Variants in SLC6A11 observed in about 807,000 individuals in gnomAD.
The protein encoded by SLC6A11 is sodium- and chloride-dependent GABA transporter 3.
Under a neutral mutation model 74.8 loss-of-function variants are expected in SLC6A11, and 25 were observed. That is an observed-to-expected ratio of 0.33 (90% CI 0.24 to 0.47). The LOEUF is 0.47. SLC6A11 is among the 20% of genes least tolerant of loss of function. The probability of loss-of-function intolerance (pLI) is 1.00; values close to 1 mark genes in which losing one functional copy is unlikely to be tolerated. For synonymous variants in SLC6A11, 330 were observed against 330.2 expected (o/e 1.00, Z 0.01); for missense variants, 574 against 837.0 (o/e 0.69, Z 3.88).
chr3:10,912,227 C>T (rs368041465), intron 7 of SLC6A11, 34 bp downstream of exon 7: 3 of 1,421,936 alleles, frequency 2.1e-6, no homozygotes, highest in African/African-American at 2.8e-5. Flanking sequence ...CAGCTCTCCA[C>T]CAAACCCTGA....
At chr3:10,914,488 C>T (rs1305478066) in intron 7 of SLC6A11, among the ~76,000 whole-genome samples, 1 of 152,150 alleles carries the variant, frequency 6.6e-6, no homozygotes, top group African/African-American at 2.4e-5. Context: ...TTAATGTGGG[C>T]AGGTCCAACA....
chr3:10,818,663 C>A (rs1694096298), intron 1 of SLC6A11, among the ~76,000 whole-genome samples: 1 of 152,148 alleles, frequency 6.6e-6, no homozygotes, highest in South Asian at 2.1e-4. Flanking sequence ...CAGATGGTGG[C>A]AAATAGCATG....
At chr3:10,827,306 T>C (rs1304631021) in intron 4 of SLC6A11, among the ~76,000 whole-genome samples, 3 of 152,194 alleles carry the variant, frequency 2.0e-5, no homozygotes, top group Admixed American at 6.5e-5. Flanking sequence ...TGCCCCAGTG[T>C]ACTCCACCCC....
intron 6 of SLC6A11, among the ~76,000 whole-genome samples, chr3:10,889,615 A>G (rs1401068342): frequency 3.3e-5 from 5 of 152,224 alleles, no homozygotes; most frequent in Non-Finnish European, 5.9e-5. Flanking sequence ...GCCTAGCACC[A>G]GCCTTATTTG....
At chr3:10,841,441 GC>G (rs778678008) in intron 4 of SLC6A11, among the ~76,000 whole-genome samples, 5 of 152,148 alleles carry the variant, frequency 3.3e-5, no homozygotes, top group Non-Finnish European at 7.4e-5. Context: ...TGGCCCCTGA[GC>G]CCCCTTTCCT....
intron 6 of SLC6A11, among the ~76,000 whole-genome samples, chr3:10,876,869 C>T (rs533033076): frequency 6.6e-6 from 1 of 151,940 alleles, no homozygotes; most frequent in South Asian, 2.1e-4. Context: ...AGGCCCTGGC[C>T]ACCAGCCAGT....
At chr3:10,885,488 G>A (rs1695031702) in intron 6 of SLC6A11, among the ~76,000 whole-genome samples, 1 of 151,824 alleles carries the variant, frequency 6.6e-6, no homozygotes, top group Admixed American at 6.6e-5. Flanking sequence ...ATTTGGTAAT[G>A]TCTAGAAACA....
chr3:10,855,662 G>C (rs923129505), intron 5 of SLC6A11, among the ~76,000 whole-genome samples: 1 of 151,658 alleles, frequency 6.6e-6, no homozygotes, highest in Admixed American at 6.6e-5. Context: ...CTCTAAACAA[G>C]ATTACAGGCT....
intron 4 of SLC6A11, among the ~76,000 whole-genome samples, chr3:10,829,575 G>A (rs1350818965): frequency 1.3e-5 from 2 of 152,148 alleles, no homozygotes; most frequent in Non-Finnish European, 2.9e-5. Flanking sequence ...AGATGTTAGC[G>A]GCAAGTTCTA....
At position 10,816,530 on chromosome 3, in the gene SLC6A11, A is replaced by C; in HGVS notation, c.256+9A>C. The C allele has an allele frequency of 6.3e-7, 1 of 1,586,520 alleles. No homozygotes were observed. The highest frequency in any genetic ancestry group is 8.6e-7 in the Non-Finnish European group (1 of 1,165,848). On this transcript the variant is annotated intron_variant, in intron 1 of 13. Transcript: ENST00000254488. The surrounding 1 kb of genome is among the most constrained non-coding windows in gnomAD (Gnocchi z 4.2). The stretch of plus-strand genomic sequence containing the variant: ...CTACAAGAACGGAGGAGGTGAGGTG[A>C]TAGTGAGGAGAAGGGGAGGGGGCGC...
intron 5 of SLC6A11, among the ~76,000 whole-genome samples, chr3:10,870,075 G>A (rs974922535): frequency 1.3e-5 from 2 of 152,242 alleles, no homozygotes; most frequent in South Asian, 4.2e-4. Context: ...TTCCCTGCCT[G>A]ATCCAACCTC....
intron 13 of SLC6A11, 153 bp downstream of exon 13, chr3:10,935,352 T>G: frequency 1.5e-6 from 1 of 666,464 alleles, no homozygotes; most frequent in Non-Finnish European, 2.6e-6. Context: ...TTCAGTATCA[T>G]GGTTGTGCCC....
Position 10,907,969 on chromosome 3 carries a change from G to A in SLC6A11, c.892-4121G>A, listed in dbSNP as rs185000117. On this transcript the variant is annotated intron_variant, in intron 6 of 13. Transcript: ENST00000254488. ...TAGTTACCTATCAAATTCACATTAA[G>A]TAATGACTATAAGGAGCCTGGCATG... 1.7e-4 allele frequency among the ~76,000 whole-genome samples: 26 copies of A among 152,288 alleles called. No homozygotes were observed. In the East Asian group the frequency reaches 4.4e-3, roughly 26 times the overall value.
chr3:10,829,018 G>A (rs936541604), intron 4 of SLC6A11, among the ~76,000 whole-genome samples: 5 of 152,170 alleles, frequency 3.3e-5, no homozygotes, highest in African/African-American at 2.4e-5. Context: ...TTGGAGCTCA[G>A]TGTCCACATC....
chr3:10,864,333 C>T (rs1694738510), intron 5 of SLC6A11, among the ~76,000 whole-genome samples: 1 of 151,484 alleles, frequency 6.6e-6, no homozygotes, highest in South Asian at 2.1e-4. Flanking sequence ...CCCTTGTGAC[C>T]TCTCAGGGTT....
rs190856491 is a variant in SLC6A11, at chr3:10,898,406, T to C, written c.892-13684T>C. 6.0e-3 allele frequency among the ~76,000 whole-genome samples: 912 copies of C among 152,350 alleles called. 7 individuals carry two copies. The highest frequency in any genetic ancestry group is 0.02 in the African/African-American group (837 of 41,578). ...TTATGCTCTGCTTCCCTTACAAAAC[T>C]GAATGCCTTTAACAGCACCCAAGTC... On this transcript the variant is annotated intron_variant, in intron 6 of 13. Transcript: ENST00000254488.
At chr3:10,899,867 A>G (rs1457605509) in intron 6 of SLC6A11, among the ~76,000 whole-genome samples, 1 of 152,226 alleles carries the variant, frequency 6.6e-6, no homozygotes, top group Non-Finnish European at 1.5e-5. Flanking sequence ...CAAGGTTGAA[A>G]TGCCCCATGG....
chr3:10,851,700 C>T (rs1003902782), intron 5 of SLC6A11, among the ~76,000 whole-genome samples: 1 of 152,236 alleles, frequency 6.6e-6, no homozygotes, highest in Admixed American at 6.5e-5. Flanking sequence ...GATGAGAAAA[C>T]AAATGTGCAT....
intron 5 of SLC6A11, among the ~76,000 whole-genome samples, chr3:10,858,564 A>G (rs1254528139): frequency 1.3e-5 from 2 of 152,232 alleles, no homozygotes; most frequent in Admixed American, 1.3e-4. Context: ...TCTTGTTGCA[A>G]TCACTAACTT....
Sources: allele counts gnomAD v4.1 joint callset (sites outside exome capture counted in the v4.1 genomes callset), GRCh38; gene constraint gnomAD v4.1.1; non-coding constraint Gnocchi (gnomAD v3.1); transcripts MANE v1.5; gene names NCBI Gene and HGNC (gene_info 2026-07-23, HGNC 2026-07-21).